MFHAS1: variants seen among roughly 807,000 people sequenced by gnomAD.
MFHAS1 encodes the protein multifunctional ROCO family signaling regulator 1, also known as malignant fibrous histiocytoma-amplified sequence 1.
Under a neutral mutation model 70.4 loss-of-function variants are expected in MFHAS1, and 50 were observed. That is an observed-to-expected ratio of 0.71 (90% CI 0.57 to 0.90). The LOEUF (loss-of-function observed/expected upper bound fraction) is 0.90. Ranked by LOEUF, MFHAS1 falls within the 40% of genes least tolerant of loss-of-function variation. The pLI, the probability that MFHAS1 is intolerant of heterozygous loss-of-function variation, is 0.00. For synonymous variants in MFHAS1, 952 were observed against 620.0 expected (o/e 1.54, Z -7.96); for missense variants, 1,795 against 1,347.6 (o/e 1.33, Z -5.20).
At chr8:8,809,907 A>T (rs1414304982) in intron 1 of MFHAS1, among the ~76,000 whole-genome samples, 1 of 152,242 alleles carries the variant, frequency 6.6e-6, no homozygotes, top group African/African-American at 2.4e-5. Flanking sequence ...CAGACGGCAT[A>T]AAAGCATTCA....
At chr8:8,830,551 A>G (rs1041316812) in intron 1 of MFHAS1, among the ~76,000 whole-genome samples, 4 of 152,212 alleles carry the variant, frequency 2.6e-5, no homozygotes, top group African/African-American at 4.8e-5. Flanking sequence ...TTTACAGGAA[A>G]GGAAACATGT....
chr8:8,843,357 G>A (rs1047828231), intron 1 of MFHAS1, among the ~76,000 whole-genome samples: 2 of 151,968 alleles, frequency 1.3e-5, no homozygotes, highest in African/African-American at 4.8e-5. Context: ...GCTCAGGTGG[G>A]CAAATCACTT....
intron 1 of MFHAS1, among the ~76,000 whole-genome samples, chr8:8,815,002 C>G (rs1305669381): frequency 2.6e-5 from 4 of 152,060 alleles, no homozygotes; most frequent in African/African-American, 9.7e-5. Flanking sequence ...CTATTCTTCT[C>G]AATGCCCTCC....
intron 2 of MFHAS1, among the ~76,000 whole-genome samples, chr8:8,786,541 C>T (rs1291168071): frequency 3.9e-5 from 6 of 152,126 alleles, no homozygotes; most frequent in East Asian, 1.9e-4. Context: ...AAGTTGTCCA[C>T]GCAAATCTGG....
At position 8,890,223 on chromosome 8, in the gene MFHAS1, G is replaced by A; in HGVS notation, c.2836C>T (p.His946Tyr). 2 of 1,614,154 alleles carry A rather than the reference G, an allele frequency of 1.2e-6. No homozygotes were observed. The highest frequency in any genetic ancestry group is 8.5e-7 in the Non-Finnish European group (1 of 1,180,016). Residue 946 changes from histidine (H) to tyrosine (Y), a missense_variant, in exon 1 of 3, where the codon CAT becomes TAT. Physicochemically the swap from His to Tyr is moderately conservative, Grantham distance 83. Transcript: ENST00000276282. The part of the protein sequence containing the change: ...LQPDTLSIAS[H>Y]ASLPNIWTAW... ...GTCCATATATTTGGTAATGATGCAT[G>A]GCTAGCAATGGACAGGGTGTCTGGC...
chr8:8,797,032 C>T (rs1805927662), intron 2 of MFHAS1, among the ~76,000 whole-genome samples: 1 of 151,750 alleles, frequency 6.6e-6, no homozygotes, highest in Admixed American at 6.6e-5. Flanking sequence ...TTTTTGGTTC[C>T]ATATACCTGC....
intron 1 of MFHAS1, among the ~76,000 whole-genome samples, chr8:8,822,823 G>T (rs1395223639): frequency 6.6e-6 from 1 of 151,040 alleles, no homozygotes; most frequent in African/African-American, 2.4e-5. Flanking sequence ...ACCAAGTCAG[G>T]GGGACTGACA....
chr8:8,832,627 CTTTTTT>C (rs137896964), intron 1 of MFHAS1, among the ~76,000 whole-genome samples: 3 of 121,910 alleles, frequency 2.5e-5, no homozygotes, highest in Non-Finnish European at 3.2e-5. Flanking sequence ...GAATTTTTTT[CTTTTTT>C]TTTTTTTTTT....
At chr8:8,816,706 G>A (rs929926999) in intron 1 of MFHAS1, among the ~76,000 whole-genome samples, 2 of 152,094 alleles carry the variant, frequency 1.3e-5, no homozygotes, top group African/African-American at 4.8e-5. Flanking sequence ...ATAATAATTG[G>A]TAGATGACAC....
intron 1 of MFHAS1, among the ~76,000 whole-genome samples, chr8:8,827,005 C>T (rs573182729): frequency 1.3e-5 from 2 of 152,266 alleles, no homozygotes; most frequent in African/African-American, 4.8e-5. Context: ...AATACATTCC[C>T]TTCATTTTTG....
chr8:8,870,691 G>A (rs117005373), intron 1 of MFHAS1, among the ~76,000 whole-genome samples: 2,783 of 151,954 alleles, frequency 0.018, 64 homozygotes, highest in Admixed American at 0.053. Flanking sequence ...AGGCCTCTCC[G>A]AGCCCCTGGA....
chr8:8,817,505 T>C (rs1806791461), intron 1 of MFHAS1, among the ~76,000 whole-genome samples: 1 of 152,238 alleles, frequency 6.6e-6, no homozygotes, highest in African/African-American at 2.4e-5. Flanking sequence ...AGGCCACCTA[T>C]TGCCCTGTAT....
chr8:8,867,933 C>G (rs1263302161), intron 1 of MFHAS1, among the ~76,000 whole-genome samples: 1 of 152,134 alleles, frequency 6.6e-6, no homozygotes, highest in Admixed American at 6.6e-5. Flanking sequence ...TAACTCCATT[C>G]TTCATTCTCA....
At position 8,891,311 on chromosome 8, in the gene MFHAS1, T is replaced by G; in HGVS notation, c.1748A>C (p.Asp583Ala). The change falls in exon 1 of 3, where the codon GAC becomes GCC. Residue 583 changes from aspartate (D) to alanine (A), a missense_variant. Physicochemically the swap from Asp to Ala is moderately radical, Grantham distance 126. Transcript: ENST00000276282. The surrounding 1 kb of genome is among the most constrained non-coding windows in gnomAD (Gnocchi z 5.4). ...AKVVDEALAR[D>A]FELRSASPHA... Reference sequence around the variant, plus strand: ...GGGGCTGGCAGAGCGCAGCTCGAAGTCCCGGGCCAGTGCCTCGTCCACCAC... The same window carrying G: ...GGGGCTGGCAGAGCGCAGCTCGAAGGCCCGGGCCAGTGCCTCGTCCACCAC... 6.2e-7 allele frequency: 1 copy of G among 1,611,274 alleles called. No homozygotes were observed.
intron 1 of MFHAS1, among the ~76,000 whole-genome samples, chr8:8,885,744 C>G (rs773926717): frequency 6.6e-6 from 1 of 152,234 alleles, no homozygotes; most frequent in Non-Finnish European, 1.5e-5. Context: ...GGGTCTTGCC[C>G]TGTCGCCCAG....
chr8:8,850,678 C>T (rs1222393131), intron 1 of MFHAS1, among the ~76,000 whole-genome samples: 2 of 152,014 alleles, frequency 1.3e-5, no homozygotes, highest in African/African-American at 4.8e-5. Flanking sequence ...CTACTAAAAA[C>T]CCCAAAATTA....
chr8:8,890,554 T>A lies in MFHAS1; in HGVS notation c.2505A>T (p.Lys835Asn). 1 of 1,613,426 alleles carries A rather than the reference T, an allele frequency of 6.2e-7. No individual in the cohort carries two copies. Among genetic ancestry groups the A allele is most frequent in the Non-Finnish European group, 8.5e-7 (1 of 1,180,016 alleles). The stretch of plus-strand genomic sequence containing the variant: ...ACCCATTCAAAGGCTTGCCCTTGGG[T>A]TTATTGAGGCAGTAACAGAGTCCCA... ...EKMGLCYCLN[K>N]PKGKPLNGST... The change falls in exon 1 of 3, where the codon AAA becomes AAT. Residue 835 changes from lysine (K) to asparagine (N), a missense_variant. Physicochemically the swap from Lys to Asn is moderately conservative, Grantham distance 94 (BLOSUM62 0). Transcript: ENST00000276282.
chr8:8,859,619 T>C (rs557479444), intron 1 of MFHAS1, among the ~76,000 whole-genome samples: 4 of 152,324 alleles, frequency 2.6e-5, no homozygotes, highest in East Asian at 3.9e-4. Flanking sequence ...TCACCGATGA[T>C]TTACTTCCAT....
At chr8:8,845,643 T>C (rs1348463742) in intron 1 of MFHAS1, among the ~76,000 whole-genome samples, 2 of 152,236 alleles carry the variant, frequency 1.3e-5, no homozygotes, top group African/African-American at 2.4e-5. Context: ...TTTGACTTAA[T>C]ATTTCCCTAT....
Sources: gnomAD v4.1 joint callset for allele counts (sites outside exome capture counted in the v4.1 genomes callset) on GRCh38, gnomAD v4.1.1 for gene constraint, Gnocchi (gnomAD v3.1) non-coding constraint, MANE v1.5 for transcripts, NCBI Gene and HGNC (gene_info 2026-07-23, HGNC 2026-07-21) for gene names.